The following MYH10 variants were observed in gnomAD, a reference collection of about 807,000 sequenced individuals.
MYH10 encodes the protein myosin-10.
Under a neutral mutation model 257.8 loss-of-function variants are expected in MYH10, and 55 were observed. The ratio of observed to expected loss-of-function variants is 0.21; its 90% CI spans 0.17 to 0.27. The LOEUF is 0.27. MYH10 is among the 10% of genes least tolerant of loss of function. The pLI is 1.00. For missense variants in MYH10, 1,631 were observed against 2,500.6 expected (o/e 0.65, Z 7.42); for synonymous variants, 854 against 921.7 (o/e 0.93, Z 1.33).
chr17:8,530,059 T>C (rs568742804), intron 17 of MYH10, among the ~76,000 whole-genome samples: 4 of 152,288 alleles, frequency 2.6e-5, no homozygotes, highest in East Asian at 3.9e-4. Context: ...GGGCCTCTGG[T>C]TGAAAAGAAA....
chr17:8,555,861 C>A (rs542430840), intron 7 of MYH10, among the ~76,000 whole-genome samples: 2 of 150,614 alleles, frequency 1.3e-5, no homozygotes, highest in African/African-American at 4.9e-5. Flanking sequence ...AAGCCACAAA[C>A]TGGGAGATAA....
intron 2 of MYH10, among the ~76,000 whole-genome samples, chr17:8,614,790 AG>A (rs568449584): frequency 2.6e-5 from 4 of 152,224 alleles, no homozygotes; most frequent in Non-Finnish European, 5.9e-5. Context: ...CAAAGTCAAA[AG>A]TCTATTATTT....
At chr17:8,494,697 C>T (rs112659986) in intron 31 of MYH10, among the ~76,000 whole-genome samples, 2,885 of 152,310 alleles carry the variant, frequency 0.019, 100 homozygotes, top group African/African-American at 0.065. Flanking sequence ...ACATCCCTAA[C>T]GGATGATGCA....
chr17:8,528,058 T>C (rs1186136695), intron 17 of MYH10, among the ~76,000 whole-genome samples: 1 of 152,234 alleles, frequency 6.6e-6, no homozygotes, highest in African/African-American at 2.4e-5. Flanking sequence ...TGACTCTACC[T>C]GGACTTCTCA....
intron 25 of MYH10, 94 bp downstream of exon 25, chr17:8,509,716 TTC>T (rs2081195486): frequency 9.2e-6 from 11 of 1,201,006 alleles, no homozygotes; most frequent in Middle Eastern, 2.5e-4. Context: ...CTTGAGAAAT[TTC>T]TGTTTGAGTT....
intron 37 of MYH10, among the ~76,000 whole-genome samples, chr17:8,482,711 C>T (rs1914047248): frequency 1.3e-5 from 2 of 152,256 alleles, no homozygotes; most frequent in African/African-American, 4.8e-5. Context: ...AGCTCAGTCT[C>T]TTCTCCCTAA....
intron 30 of MYH10, 125 bp downstream of exon 30, chr17:8,499,145 G>T: frequency 1.2e-6 from 1 of 824,276 alleles, no homozygotes; most frequent in African/African-American, 1.7e-5. Context: ...TGTATTTACT[G>T]GATAGCAATT....
At chr17:8,609,685 G>A (rs2152084773) in intron 2 of MYH10, among the ~76,000 whole-genome samples, 1 of 152,090 alleles carries the variant, frequency 6.6e-6, no homozygotes, top group Admixed American at 6.5e-5. Context: ...AAAATAAAGG[G>A]CAGAATGGAT....
intron 1 of MYH10, among the ~76,000 whole-genome samples, chr17:8,625,632 C>T (rs1428768271): frequency 6.6e-6 from 1 of 152,048 alleles, no homozygotes; most frequent in African/African-American, 2.4e-5. Flanking sequence ...GGCAGGCCTG[C>T]ACCATGACCC....
Position 8,513,616 on chromosome 17 carries a change from A to C in MYH10, c.2667T>G (p.Asp889Glu). The C allele has an allele frequency of 6.2e-7, 1 of 1,613,400 alleles. No individual in the cohort carries two copies. Among genetic ancestry groups the C allele is most frequent in the South Asian group, 1.1e-5 (1 of 91,050 alleles). ...TCTCCTTCACCTTCAACAGCTCTTC[A>C]TCTTTGGCCTGAAGTTCTTCCTCCT... ...TRQEEELQAK[D>E]EELLKVKEKQ... The change falls in exon 23 of 43, where the codon GAT becomes GAG. Residue 889 changes from aspartate to glutamate, a missense_variant. This residue lies in a region of MYH10 where 116 missense variants were observed against 221.6 expected (regional missense o/e 0.52). Coordinates refer to ENST00000360416, the MANE Select transcript of MYH10 (RefSeq NM_001256012.3).
At chr17:8,485,030 G>A (rs2151793122) in intron 36 of MYH10, among the ~76,000 whole-genome samples, 1 of 152,306 alleles carries the variant, frequency 6.6e-6, no homozygotes, top group East Asian at 1.9e-4. Context: ...AGTTCAATTT[G>A]CAGATGATCT....
At chr17:8,521,519 C>G (rs1004911134) in intron 17 of MYH10, 17 of 527,502 alleles carry the variant, frequency 3.2e-5, no homozygotes, top group Middle Eastern at 5.0e-4. Flanking sequence ...CACACACCAG[C>G]AGATGCCTTC....
chr17:8,583,768 T>C (rs966800901), intron 4 of MYH10, among the ~76,000 whole-genome samples: 2 of 152,230 alleles, frequency 1.3e-5, no homozygotes, highest in Non-Finnish European at 2.9e-5. Context: ...TTGTATATAA[T>C]AGATAAGATT....
intron 4 of MYH10, among the ~76,000 whole-genome samples, chr17:8,584,839 T>C (rs2083835442): frequency 6.6e-6 from 1 of 152,156 alleles, no homozygotes; most frequent in Non-Finnish European, 1.5e-5. Context: ...TTGTATTTAT[T>C]TTTTATTTAT....
chr17:8,598,634 G>A (rs1164673598), intron 3 of MYH10, among the ~76,000 whole-genome samples: 3 of 151,122 alleles, frequency 2.0e-5, no homozygotes, highest in Non-Finnish European at 2.9e-5. Flanking sequence ...TAATGAAAAC[G>A]TTTAGAGCCA....
intron 42 of MYH10, among the ~76,000 whole-genome samples, 183 bp from the exon 43 acceptor site, chr17:8,476,131 G>T (rs1307563852): frequency 6.6e-6 from 1 of 152,196 alleles, no homozygotes; most frequent in East Asian, 1.9e-4. Flanking sequence ...CCACAACCCT[G>T]CCTGCAGAGT....
chr17:8,589,973 C>A (rs2084061521), intron 3 of MYH10, among the ~76,000 whole-genome samples: 1 of 152,158 alleles, frequency 6.6e-6, no homozygotes. Flanking sequence ...GGATGAGGAC[C>A]CAGGCCTGTC....
In MYH10 at chr17:8,623,192, C is replaced by T; in HGVS notation, c.55G>A (p.Ala19Thr). 6.2e-7 allele frequency: 1 copy of T among 1,611,040 alleles called. No individual in the cohort carries two copies. ...DPERYLFVDR[A>T]VIYNPATQAD... ...TGAGTGGCAGGGTTGTAGATGACAG[C>T]CCTGTCCACAAAGAGATACCTCTCT... Residue 19 changes from alanine (A) to threonine (T), a missense_variant, in exon 2 of 43, where the codon GCT becomes ACT. Coordinates refer to ENST00000360416, the MANE Select transcript of MYH10 (RefSeq NM_001256012.3).
chr17:8,515,974 C>T (rs2081456128), intron 21 of MYH10, among the ~76,000 whole-genome samples: 2 of 152,196 alleles, frequency 1.3e-5, no homozygotes, highest in Non-Finnish European at 1.5e-5. Context: ...ACAAATTCAC[C>T]CAATCTTCTT....
Sources: allele counts gnomAD v4.1 joint callset (sites outside exome capture counted in the v4.1 genomes callset), GRCh38; gene constraint gnomAD v4.1.1; regional missense constraint gnomAD v4.1.1; transcripts MANE v1.5; gene names NCBI Gene and HGNC (gene_info 2026-07-23, HGNC 2026-07-21).